ITGAX: variants seen among roughly 807,000 people sequenced by gnomAD.
The protein encoded by ITGAX is integrin subunit alpha X, also known as integrin alpha-X.
ITGAX carries 99 observed loss-of-function variants against 140.2 expected under a neutral mutation model. The ratio of observed to expected loss-of-function variants is 0.71; its 90% CI spans 0.60 to 0.83. The LOEUF (loss-of-function observed/expected upper bound fraction) is 0.83. Among genes scored for constraint, ITGAX ranks in the 40% least tolerant of loss-of-function variants. The pLI, the probability that ITGAX is intolerant of heterozygous loss-of-function variation, is 0.00. For missense variants in ITGAX, 1,444 were observed against 1,482.0 expected, an observed-to-expected ratio of 0.97 and a Z score of 0.42; for synonymous variants, 631 against 600.4, an observed-to-expected ratio of 1.05 and a Z score of -0.75.
rs1362562038 is a variant in ITGAX at position 31,380,058 on chromosome 16, C to A, written c.3053C>A (p.Pro1018His). ...TTCCTGGCGCACATTCAGAAGAATC[C>A]CGTGCTGGTGAGGAGGGCTCTGGGC... is the stretch of plus-strand genomic sequence containing the variant. Reference protein sequence around the residue: ...SDFLAHIQKNPVLDCSIAGCL... With the variant: ...SDFLAHIQKNHVLDCSIAGCL... Residue 1018 changes from proline (P) to histidine (H), a missense_variant, in exon 26 of 30, where the codon CCC becomes CAC. Pro to His is a moderately conservative substitution (Grantham distance 77). Coordinates refer to ENST00000268296, the MANE Select transcript of ITGAX (RefSeq NM_000887.5). 4 of 1,613,870 alleles carry A rather than the reference C, an allele frequency of 2.5e-6. No individual in the cohort carries two copies. The highest frequency in any genetic ancestry group is 1.6e-4 in the Middle Eastern group (1 of 6,082).
chr16:31,369,185 C>T lies in ITGAX; in HGVS notation c.1711-1899C>T, dbSNP rs1440784879. ...CTCCTCACTTCCCAGTAGGGGCGGC[C>T]GGGCAGAGGTGCCCCTCACCTCCCG... On this transcript the variant is annotated intron_variant, in intron 14 of 29. Coordinates refer to ENST00000268296, the MANE Select transcript of ITGAX (RefSeq NM_000887.5). Among the ~76,000 whole-genome samples the T allele has an allele frequency of 8.6e-5, 13 of 151,710 alleles. No homozygotes were observed. In the South Asian group the frequency reaches 1.7e-3, roughly 19 times the overall value.
At position 31,371,191 on chromosome 16, in the gene ITGAX, C is replaced by A; in HGVS notation, c.1818C>A (p.Ala606=). ...QDGLVDLAVG[A]RGQVLLLRTR... ...GACTGGTGGACCTGGCTGTGGGGGC[C>A]CGGGGCCAGGTGCTCCTGCTCAGGT... Residue 606 remains alanine, a synonymous_variant, in exon 15 of 30, where the codon GCC becomes GCA. Coordinates refer to ENST00000268296, the MANE Select transcript of ITGAX (RefSeq NM_000887.5). 1 of 1,610,662 alleles carries A rather than the reference C, an allele frequency of 6.2e-7. No individual in the cohort carries two copies. Among genetic ancestry groups the A allele is most frequent in the Non-Finnish European group, 8.5e-7 (1 of 1,178,358 alleles).
intron 14 of ITGAX, among the ~76,000 whole-genome samples, chr16:31,369,263 G>A (rs562834639): frequency 5.2e-4 from 72 of 139,722 alleles, no homozygotes; most frequent in African/African-American, 1.9e-3. Context: ...CCTCCTGGAC[G>A]AGGCAGCTGG....
At chr16:31,358,925 C>A (rs138258116) in intron 5 of ITGAX, among the ~76,000 whole-genome samples, 44,043 of 151,118 alleles carry the variant, frequency 0.29, 7,467 homozygotes, top group East Asian at 0.68. Context: ...TCAAGTGATC[C>A]TCCCACCTCA....
chr16:31,371,524 A>G (rs752924072), intron 16 of ITGAX, 27 bp downstream of exon 16: 146 of 1,611,846 alleles, frequency 9.1e-5, no homozygotes, highest in Non-Finnish European at 1.2e-4. Flanking sequence ...CCAACCCAGG[A>G]CACCCTGACC....
At chr16:31,378,633 C>G (rs58724472) in intron 23 of ITGAX, among the ~76,000 whole-genome samples, 1 of 151,658 alleles carries the variant, frequency 6.6e-6, no homozygotes, top group Non-Finnish European at 1.5e-5. Context: ...CCATGCCTGG[C>G]TAATTTAAAA....
At chr16:31,360,776 A>G in intron 8 of ITGAX, 2 of 508,668 alleles carry the variant, frequency 3.9e-6, no homozygotes, top group Non-Finnish European at 6.9e-6. Context: ...TTGGTCTCCC[A>G]AAGCACAGGG....
chr16:31,364,240 T>C (rs895173755), intron 14 of ITGAX, among the ~76,000 whole-genome samples: 3 of 151,484 alleles, frequency 2.0e-5, no homozygotes, highest in East Asian at 2.0e-4. Context: ...CTGGGCAACA[T>C]AGGGAGACCC....
intron 24 of ITGAX, 41 bp downstream of exon 24, chr16:31,379,687 G>A (rs1447679300): frequency 6.3e-7 from 1 of 1,575,888 alleles, no homozygotes; most frequent in African/African-American, 1.4e-5. Flanking sequence ...GGGGTGGGAG[G>A]CTGGGAGCCG....
At chr16:31,361,442 C>T (rs752541731) in intron 9 of ITGAX, 2 of 679,918 alleles carry the variant, frequency 2.9e-6, no homozygotes, top group East Asian at 5.2e-5. Flanking sequence ...AGTGATCTCA[C>T]ACCACCACCG....
chr16:31,361,489 C>A, intron 9 of ITGAX: 1 of 668,776 alleles, frequency 1.5e-6, no homozygotes. Flanking sequence ...CCAGGCCCAA[C>A]CCAGGAGACC....
At chr16:31,372,166 G>GT (rs1491387117) in intron 17 of ITGAX, among the ~76,000 whole-genome samples, 2 of 106,868 alleles carry the variant, frequency 1.9e-5, no homozygotes, top group African/African-American at 8.9e-5. Flanking sequence ...CGGGAGGTCT[G>GT]GGGGGGGGGA....
Position 31,362,950 on chromosome 16 carries a change from G to C in ITGAX, c.1375G>C (p.Gly459Arg). ...VTGTQIGSYF[G>R]ASLCSVDVDS... ...TGCCCTTCAGATCGGCTCCTACTTCGGGGCCTCCCTCTGCTCCGTGGACGT... is the reference window on the plus strand; with the variant it reads ...TGCCCTTCAGATCGGCTCCTACTTCCGGGCCTCCCTCTGCTCCGTGGACGT... Residue 459 changes from glycine to arginine, a missense_variant, in exon 13 of 30, where the codon GGG becomes CGG. By Grantham distance (125) the Gly-to-Arg change is moderately radical (BLOSUM62 -2). Coordinates refer to ENST00000268296, the MANE Select transcript of ITGAX (RefSeq NM_000887.5). 2.5e-6 allele frequency: 4 copies of C among 1,611,730 alleles called. No individual in the cohort carries two copies. The highest frequency in any genetic ancestry group is 3.4e-6 in the Non-Finnish European group (4 of 1,179,766).
chr16:31,380,337 T>G lies in ITGAX; in HGVS notation c.3132T>G (p.Asp1044Glu). ...VPSFSVQEELDFTLKGNLSFG... is the reference protein window; with the variant it reads ...VPSFSVQEELEFTLKGNLSFG... The stretch of plus-strand genomic sequence containing the variant: ...CCTTCAGCGTCCAGGAGGAGCTGGA[T>G]TTCACCCTGAAGGGCAACCTCAGCT... The change falls in exon 27 of 30, where the codon GAT becomes GAG. Residue 1044 changes from aspartate (D) to glutamate (E), a missense_variant. By Grantham distance (45) the Asp-to-Glu change is conservative. Coordinates refer to ENST00000268296, the MANE Select transcript of ITGAX (RefSeq NM_000887.5). 1 of 1,614,172 alleles carries G rather than the reference T, an allele frequency of 6.2e-7. No individual in the cohort carries two copies. Among genetic ancestry groups the G allele is most frequent in the Non-Finnish European group, 8.5e-7 (1 of 1,180,032 alleles).
chr16:31,382,228 C>CTTTTTTTTTTT lies in ITGAX; in HGVS notation c.*326_*336dup, dbSNP rs61575806. On this transcript the variant is annotated 3_prime_UTR_variant, in exon 30 of 30. Transcript: ENST00000268296. Reference sequence around the variant, plus strand: ...GGCACGAATGATCTTTCTTTCCTTTCTTTTTTTTTTTTTTTCTTTTCTTTT... The same window carrying CTTTTTTTTTTT: ...GGCACGAATGATCTTTCTTTCCTTTCTTTTTTTTTTTTTTTTTTTTTTTTTTCTTTTCTTTT... The CTTTTTTTTTTT allele has an allele frequency of 5.6e-5, 51 of 903,554 alleles. No homozygotes were observed. The highest frequency in any genetic ancestry group is 4.0e-4 in the South Asian group (18 of 45,528). The allele number at this position is 903,554 out of a possible 1,614,324, so 56.0% of individuals were successfully genotyped here. A position where few individuals can be genotyped will look rare whatever the true frequency, so the allele number is the denominator to read the frequency against.
rs369180822 is a variant in ITGAX at position 31,381,849 on chromosome 16, A to G, written c.3434A>G (p.Asn1145Ser). ...TACAAGGAAATGATGGAGGAGGCAA[A>G]TGGACAAATTGCCCCAGAAAACGGG... ...RQYKEMMEEA[N>S]GQIAPENGTQ... Residue 1145 changes from asparagine to serine, a missense_variant, in exon 30 of 30, where the codon AAT (asparagine) becomes AGT (serine). Coordinates refer to ENST00000268296, the MANE Select transcript of ITGAX (RefSeq NM_000887.5). 16 of 875,178 alleles carry G rather than the reference A, an allele frequency of 1.8e-5. No homozygotes were observed. In the African/African-American group the frequency reaches 2.3e-4, roughly 12 times the overall value. The allele number at this position is 875,178 out of a possible 1,614,324, so 54.2% of individuals were successfully genotyped here.
In ITGAX at chr16:31,380,898, C is replaced by T. The variant is rs150054422; in HGVS notation, c.3278C>T (p.Thr1093Met). Residue 1093 changes from threonine to methionine, a missense_variant and splice_region_variant, in exon 29 of 30, where the codon ACG (threonine) becomes ATG (methionine). Thr to Met is a moderately conservative substitution (Grantham distance 81). Transcript: ENST00000268296. ...PGQEAFMRAQ[T>M]TTVLEKYKVH... ...CTGACAGGGTCACTTCCACTTCAGA[C>T]GACAACGGTGCTGGAGAAGTACAAG... 161 of 1,613,706 alleles carry T rather than the reference C, an allele frequency of 1.0e-4. No homozygotes were observed. The African/African-American group carries it at 1.8e-3, about 18-fold the overall frequency.
At chr16:31,357,743 G>A (rs2080779083) in intron 5 of ITGAX, 2 of 441,342 alleles carry the variant, frequency 4.5e-6, no homozygotes, top group Non-Finnish European at 7.9e-6. Context: ...TTCATCCAAT[G>A]GGTCCTGGGA....
chr16:31,362,295 T>G, intron 11 of ITGAX, 91 bp downstream of exon 11: 4 of 1,274,142 alleles, frequency 3.1e-6, no homozygotes, highest in Non-Finnish European at 1.0e-6. Flanking sequence ...GGGGCTGTGC[T>G]GCCCAGGGTG....
Sources: gnomAD v4.1 joint callset for allele counts (sites outside exome capture counted in the v4.1 genomes callset) on GRCh38, gnomAD v4.1.1 for gene constraint, MANE v1.5 for transcripts, NCBI Gene and HGNC (gene_info 2026-07-23, HGNC 2026-07-21) for gene names.